MLPH: variants seen among roughly 807,000 people sequenced by gnomAD.
The protein encoded by MLPH is melanophilin.
In MLPH, 51 loss-of-function variants were observed where a neutral mutation model predicts 72.1. That is an observed-to-expected ratio of 0.71 (90% CI 0.56 to 0.89). The LOEUF (loss-of-function observed/expected upper bound fraction) is 0.89, where lower values mean the gene tolerates loss of function less well. MLPH is among the 40% of genes least tolerant of loss of function. The pLI, the probability that MLPH is intolerant of heterozygous loss-of-function variation, is 0.00. For missense variants in MLPH, 743 were observed against 759.9 expected (o/e 0.98, Z 0.26); for synonymous variants, 301 against 310.1 (o/e 0.97, Z 0.31).
At chr2:237,504,556 T>C (rs926358328) in intron 2 of MLPH, among the ~76,000 whole-genome samples, 1 of 152,180 alleles carries the variant, frequency 6.6e-6, no homozygotes, top group Non-Finnish European at 1.5e-5. Flanking sequence ...TTGGTGGAGC[T>C]CTGAAATGGC....
chr2:237,511,453 C>T (rs1574851569), intron 4 of MLPH: 1 of 335,128 alleles, frequency 3.0e-6, no homozygotes, highest in East Asian at 7.8e-5. Context: ...CTCTGCATCC[C>T]ACTGGCCTGG....
At chr2:237,540,978 G>A (rs367720098) in intron 11 of MLPH, 21 bp downstream of exon 11, 339 of 1,589,542 alleles carry the variant, frequency 2.1e-4, no homozygotes, top group Non-Finnish European at 2.7e-4. Flanking sequence ...AGGCACAGGG[G>A]AGCACTGAGT....
intron 8 of MLPH, among the ~76,000 whole-genome samples, chr2:237,531,673 C>T (rs2080423000): frequency 6.6e-6 from 1 of 152,074 alleles, no homozygotes; most frequent in Non-Finnish European, 1.5e-5. Flanking sequence ...ATTTACTTTG[C>T]CAACCCTAAA....
chr2:237,525,929 C>G (rs762466332), intron 7 of MLPH, 124 bp downstream of exon 7: 1 of 969,028 alleles, frequency 1.0e-6, no homozygotes, highest in African/African-American at 1.6e-5. Flanking sequence ...CTTCCTTTGG[C>G]GTGATTGTCC....
intron 11 of MLPH, among the ~76,000 whole-genome samples, chr2:237,542,105 T>C (rs917834602): frequency 5.3e-5 from 8 of 151,322 alleles, no homozygotes; most frequent in Non-Finnish European, 1.0e-4. Flanking sequence ...GAGTAGGGGG[T>C]GATGGGGCCT....
chr2:237,505,595 T>C lies in MLPH; in HGVS notation c.111-4979T>C, dbSNP rs1435162278. On this transcript the variant is annotated intron_variant, in intron 2 of 15. Coordinates refer to ENST00000264605, the MANE Select transcript of MLPH (RefSeq NM_024101.7). The surrounding 1 kb of genome is among the most constrained non-coding windows in gnomAD (Gnocchi z 4.5). ...GGCTCTCCCCAGTATTCCTGCATGT[T>C]GCCACCACACCCCTGTCTAGATTTC... 6.6e-6 allele frequency among the ~76,000 whole-genome samples: 1 copy of C among 152,156 alleles called. No homozygotes were observed. The highest frequency in any genetic ancestry group is 1.5e-5 in the Non-Finnish European group (1 of 68,018).
At chr2:237,513,205 C>T (rs1574853959) in intron 4 of MLPH, among the ~76,000 whole-genome samples, 1 of 152,322 alleles carries the variant, frequency 6.6e-6, no homozygotes, top group Non-Finnish European at 1.5e-5. Context: ...GTAAGTGGGC[C>T]TCTGGGGGTC....
At chr2:237,533,108 T>G (rs12471291) in intron 8 of MLPH, among the ~76,000 whole-genome samples, 52,382 of 152,040 alleles carry the variant, frequency 0.34, 10,609 homozygotes, top group African/African-American at 0.57. Context: ...GCTTTAACCC[T>G]AAGAAAAGCA....
chr2:237,540,122 T>C (rs1464570636), intron 9 of MLPH, among the ~76,000 whole-genome samples: 1 of 152,162 alleles, frequency 6.6e-6, no homozygotes, highest in Non-Finnish European at 1.5e-5. Context: ...CCAGGGGTGG[T>C]GGTCAGCTTT....
chr2:237,507,062 C>CTTTTTTTTTTTTTT (rs61091364), intron 2 of MLPH, among the ~76,000 whole-genome samples: 20 of 94,544 alleles, frequency 2.1e-4, no homozygotes, highest in Admixed American at 2.5e-4. Context: ...TTTTTTTTTT[C>CTTTTTTTTTTTTTT]TTTTTTTTTT....
At chr2:237,551,410 C>T (rs1176113774) in intron 14 of MLPH, among the ~76,000 whole-genome samples, 1 of 152,266 alleles carries the variant, frequency 6.6e-6, no homozygotes, top group Non-Finnish European at 1.5e-5. Flanking sequence ...CCTGGCTGAT[C>T]GCAAGCTCCC....
chr2:237,513,349 G>A (rs914242436), intron 4 of MLPH, among the ~76,000 whole-genome samples: 1 of 152,054 alleles, frequency 6.6e-6, no homozygotes, highest in Non-Finnish European at 1.5e-5. Context: ...TGGTCGCTGG[G>A]CACCCAGTCC....
Position 237,510,592 on chromosome 2 carries a change from T to A in MLPH, c.129T>A (p.Ile43=). 6.2e-7 allele frequency: 1 copy of A among 1,613,332 alleles called. No individual in the cohort carries two copies. Among genetic ancestry groups the A allele is most frequent in the Non-Finnish European group, 8.5e-7 (1 of 1,180,018 alleles). Residue 43 remains isoleucine, a synonymous_variant, in exon 3 of 16, where the codon ATT becomes ATA. Transcript: ENST00000264605. The surrounding 1 kb of genome is among the most constrained non-coding windows in gnomAD (Gnocchi z 4.4). The part of the protein sequence containing the change: ...EERLEALKGK[I]KKESSKRELL... Reference sequence around the variant, plus strand: ...TCCCAAGGGCGTTGAAGGGCAAGATTAAGAAGGAAAGCTCCAAGAGGGAGC... The same window carrying A: ...TCCCAAGGGCGTTGAAGGGCAAGATAAAGAAGGAAAGCTCCAAGAGGGAGC...
At chr2:237,538,542 G>T (rs998854068) in intron 9 of MLPH, among the ~76,000 whole-genome samples, 1 of 152,174 alleles carries the variant, frequency 6.6e-6, no homozygotes, top group African/African-American at 2.4e-5. Context: ...TGGCGGCGTC[G>T]CTGTCCGACG....
rs1207175339 is a variant in MLPH at position 237,554,846 on chromosome 2, C to T, written c.*1254C>T. 6.6e-6 allele frequency: 1 copy of T among 152,224 alleles called. No individual in the cohort carries two copies. The highest frequency in any genetic ancestry group is 1.5e-5 in the Non-Finnish European group (1 of 68,038). The allele number at this position is 152,224 out of a possible 1,614,324, so 9.4% of individuals were successfully genotyped here. ...TCAAAGTGTTGCTGGGAGGCTGATA[C>T]TCCTGCAACTTCAGGAGACCTGTGA... On this transcript the variant is annotated 3_prime_UTR_variant, in exon 16 of 16. Transcript: ENST00000264605.
rs771484892 is a variant in MLPH, at chr2:237,525,625, G to A, written c.700G>A (p.Glu234Lys). Residue 234 changes from glutamate (E) to lysine (K), a missense_variant, in exon 7 of 16, where the codon GAG becomes AAG. Glu to Lys is a moderately conservative substitution (Grantham distance 56, BLOSUM62 1). Transcript: ENST00000264605. ...GTCCCTCACAGATGAGTCCTGCTCA[G>A]AGAAGGCAGCCCCTCACAAGGCTGA... The part of the protein sequence containing the change: ...PQSLTDESCS[E>K]KAAPHKAEGL... 1.2e-6 allele frequency: 2 copies of A among 1,614,152 alleles called. No individual in the cohort carries two copies. Among genetic ancestry groups the A allele is most frequent in the South Asian group, 1.1e-5 (1 of 91,082 alleles).
intron 2 of MLPH, among the ~76,000 whole-genome samples, chr2:237,494,528 C>T (rs546276971): frequency 3.9e-5 from 6 of 152,224 alleles, no homozygotes; most frequent in South Asian, 4.2e-4. Flanking sequence ...TGTTTCACAG[C>T]GGTGGGCTCT....
intron 12 of MLPH, chr2:237,546,366 GTTTTC>G: frequency 1.8e-6 from 1 of 554,312 alleles, no homozygotes; most frequent in South Asian, 2.0e-5. Context: ...CTCAAGATTT[GTTTTC>G]TTTTCACAAT....
Position 237,505,137 on chromosome 2 carries a change from A to T in MLPH, c.111-5437A>T, listed in dbSNP as rs1165992738. On this transcript the variant is annotated intron_variant, in intron 2 of 15. Transcript: ENST00000264605. The surrounding 1 kb of genome is among the most constrained non-coding windows in gnomAD (Gnocchi z 4.5). ...CATGACCCTCCCGGTGGCCAGGTTG[A>T]TGGGGTCTGGACTCCACACACTGTC... is the stretch of plus-strand genomic sequence containing the variant. Among the ~76,000 whole-genome samples, 1 of 152,028 alleles carries T rather than the reference A, an allele frequency of 6.6e-6. No homozygotes were observed. Among genetic ancestry groups the T allele is most frequent in the Admixed American group, 6.6e-5 (1 of 15,266 alleles).
Sources: allele counts gnomAD v4.1 joint callset (sites outside exome capture counted in the v4.1 genomes callset), GRCh38; gene constraint gnomAD v4.1.1; non-coding constraint Gnocchi (gnomAD v3.1); transcripts MANE v1.5; gene names NCBI Gene and HGNC (gene_info 2026-07-23, HGNC 2026-07-21).